Variants in CNTNAP5 observed in about 807,000 individuals in gnomAD.
CNTNAP5 encodes contactin associated protein family member 5, also known as contactin-associated protein-like 5.
CNTNAP5 carries 72 observed loss-of-function variants against 150.2 expected under a neutral mutation model. The observed-to-expected ratio is 0.48, with a 90% confidence interval of 0.40 to 0.58. The LOEUF (loss-of-function observed/expected upper bound fraction) is 0.58. Among genes scored for constraint, CNTNAP5 ranks in the 20% least tolerant of loss-of-function variants. CNTNAP5 has a pLI of 0.00. For missense variants in CNTNAP5, 1,636 were observed against 1,626.2 expected, an observed-to-expected ratio of 1.01 and a Z score of -0.10; for synonymous variants, 672 against 619.8, an observed-to-expected ratio of 1.08 and a Z score of -1.25.
chr2:124,398,233 C>A (rs942694070), intron 3 of CNTNAP5, among the ~76,000 whole-genome samples: 4 of 152,280 alleles, frequency 2.6e-5, no homozygotes, highest in South Asian at 4.1e-4. Context: ...GACATTCCAG[C>A]TCCTTTGCTG....
intron 20 of CNTNAP5, among the ~76,000 whole-genome samples, chr2:124,866,231 G>A (rs1168846828): frequency 2.0e-5 from 3 of 152,158 alleles, no homozygotes; most frequent in African/African-American, 7.2e-5. Context: ...CTGCACTCCA[G>A]CCTGGGAGAC....
At chr2:124,588,897 C>T (rs979973997) in intron 11 of CNTNAP5, among the ~76,000 whole-genome samples, 1 of 151,970 alleles carries the variant, frequency 6.6e-6, no homozygotes, top group Non-Finnish European at 1.5e-5. Flanking sequence ...TCCTGTGTTG[C>T]CCTAATCAGA....
chr2:124,629,363 C>G (rs1013654244), intron 12 of CNTNAP5, among the ~76,000 whole-genome samples: 28 of 152,186 alleles, frequency 1.8e-4, no homozygotes, highest in African/African-American at 6.8e-4. Flanking sequence ...CAAACAATCT[C>G]TCAGATCACT....
chr2:124,764,753 G>C (rs1681032080), intron 16 of CNTNAP5, among the ~76,000 whole-genome samples: 2 of 152,080 alleles, frequency 1.3e-5, no homozygotes, highest in African/African-American at 4.8e-5. Flanking sequence ...AATACAGATG[G>C]TGACATTTCC....
intron 16 of CNTNAP5, among the ~76,000 whole-genome samples, chr2:124,768,929 A>G (rs2168024): frequency 0.52 from 79,628 of 152,044 alleles, 21,493 homozygotes; most frequent in East Asian, 0.84. Flanking sequence ...TGTCCCTGAA[A>G]AGTTTTAACA....
intron 7 of CNTNAP5, among the ~76,000 whole-genome samples, chr2:124,490,591 T>A (rs537672664): frequency 1.3e-5 from 2 of 152,234 alleles, no homozygotes; most frequent in African/African-American, 4.8e-5. Context: ...TTGGCAAAAC[T>A]ATCATTACTA....
At chr2:124,508,749 T>C (rs1694474383) in intron 8 of CNTNAP5, among the ~76,000 whole-genome samples, 5 of 152,244 alleles carry the variant, frequency 3.3e-5, no homozygotes, top group Admixed American at 2.6e-4. Flanking sequence ...AGAATTTCTA[T>C]GTTTTTGGAA....
At chr2:124,544,672 A>C (rs1209109785) in intron 10 of CNTNAP5, among the ~76,000 whole-genome samples, 1 of 152,234 alleles carries the variant, frequency 6.6e-6, no homozygotes, top group Non-Finnish European at 1.5e-5. Flanking sequence ...TTTAGATTTA[A>C]GTACCACATG....
intron 1 of CNTNAP5, among the ~76,000 whole-genome samples, chr2:124,190,502 A>G (rs1402894613): frequency 1.3e-5 from 2 of 152,130 alleles, no homozygotes; most frequent in African/African-American, 4.8e-5. Context: ...CAACCCAAAA[A>G]TCAGAGCTAC....
chr2:124,498,506 T>G (rs1033469235), intron 7 of CNTNAP5, among the ~76,000 whole-genome samples: 3 of 152,216 alleles, frequency 2.0e-5, no homozygotes, highest in African/African-American at 7.2e-5. Context: ...CTCATCATGT[T>G]GCCGAGGCAG....
At chr2:124,856,552 C>T (rs974122524) in intron 19 of CNTNAP5, among the ~76,000 whole-genome samples, 5 of 152,108 alleles carry the variant, frequency 3.3e-5, no homozygotes, top group Admixed American at 6.6e-5. Flanking sequence ...AAGGTAATAT[C>T]GCAATGTTGT....
chr2:124,884,365 G>A (rs930918450), intron 21 of CNTNAP5, among the ~76,000 whole-genome samples: 1 of 152,026 alleles, frequency 6.6e-6, no homozygotes, highest in African/African-American at 2.4e-5. Flanking sequence ...ATCTGGACAT[G>A]CATGTCCATG....
At chr2:124,042,072 G>C (rs1232565597) in intron 1 of CNTNAP5, among the ~76,000 whole-genome samples, 1 of 152,090 alleles carries the variant, frequency 6.6e-6, no homozygotes, top group African/African-American at 2.4e-5. Flanking sequence ...TGTTGGCCAG[G>C]CTGGTCTTAC....
chr2:124,455,103 AC>A (rs1369966171), intron 6 of CNTNAP5, among the ~76,000 whole-genome samples: 2 of 152,142 alleles, frequency 1.3e-5, no homozygotes, highest in Non-Finnish European at 2.9e-5. Flanking sequence ...GATAAATGAA[AC>A]AAAAATCTGG....
chr2:124,467,259 TG>T (rs371612161), intron 6 of CNTNAP5, among the ~76,000 whole-genome samples: 141 of 152,228 alleles, frequency 9.3e-4, no homozygotes, highest in African/African-American at 3.2e-3. Flanking sequence ...TTGAGGAAGA[TG>T]GTTGTTGGTT....
At chr2:124,091,217 T>C (rs1014792438) in intron 1 of CNTNAP5, among the ~76,000 whole-genome samples, 10 of 152,156 alleles carry the variant, frequency 6.6e-5, no homozygotes, top group Non-Finnish European at 1.5e-4. Flanking sequence ...TCGCACCTGA[T>C]AGGAAGAAGA....
chr2:124,267,706 A>G lies in CNTNAP5; in HGVS notation c.381+25313A>G, dbSNP rs186084554. On this transcript the variant is annotated intron_variant, in intron 3 of 23. Coordinates refer to ENST00000682447, the MANE Select transcript of CNTNAP5 (RefSeq NM_001367498.1). ...TATACAGCATAAGCATCTGGGGAGA[A>G]ATATATATTTTTCTAATATGCAGCT... is the stretch of plus-strand genomic sequence containing the variant. 5.8e-4 allele frequency among the ~76,000 whole-genome samples: 89 copies of G among 152,278 alleles called. 1 individual carries two copies. The highest frequency in any genetic ancestry group is 1.0e-3 in the South Asian group (5 of 4,824).
At chr2:124,876,789 G>A (rs1295420068) in intron 21 of CNTNAP5, among the ~76,000 whole-genome samples, 1 of 152,006 alleles carries the variant, frequency 6.6e-6, no homozygotes, top group African/African-American at 2.4e-5. Flanking sequence ...CTCACATTGT[G>A]TGTAATTGCT....
At position 124,446,886 on chromosome 2, in the gene CNTNAP5, A is replaced by C; in HGVS notation, c.867A>C (p.Thr289=). 6.2e-7 allele frequency: 1 copy of C among 1,613,934 alleles called. No homozygotes were observed. Among genetic ancestry groups the C allele is most frequent in the Non-Finnish European group, 8.5e-7 (1 of 1,179,858 alleles). The change falls in exon 6 of 24, where the codon ACA becomes ACC. Residue 289 remains threonine, a synonymous_variant. Transcript: ENST00000682447. ...TGAACTTCACGGTGGACAAGCACACACAGCACTTCCGCACCAAGGGCGAGA... is the reference window on the plus strand; with the variant it reads ...TGAACTTCACGGTGGACAAGCACACCCAGCACTTCCGCACCAAGGGCGAGA... The part of the protein sequence containing the change: ...KQVNFTVDKH[T]QHFRTKGETD...
Sources: gnomAD v4.1 joint callset for allele counts (sites outside exome capture counted in the v4.1 genomes callset) on GRCh38, gnomAD v4.1.1 for gene constraint, MANE v1.5 for transcripts, NCBI Gene and HGNC (gene_info 2026-07-23, HGNC 2026-07-21) for gene names.